The following RORA variants were observed in gnomAD, a reference collection of about 807,000 sequenced individuals.
RORA encodes RAR related orphan receptor A, also known as nuclear receptor ROR-alpha.
A neutral mutation model predicts 69.5 loss-of-function variants in RORA; 7 were observed. The observed-to-expected ratio is 0.10, with a 90% CI of 0.06 to 0.19. The LOEUF is 0.19. RORA is among the 10% of genes least tolerant of loss of function. The pLI is 1.00. For missense variants in RORA, 457 were observed against 663.0 expected (o/e 0.69, Z 3.41); for synonymous variants, 261 against 240.8 (o/e 1.08, Z -0.78).
At chr15:61,142,060 C>T (rs4775363) in intron 1 of RORA, among the ~76,000 whole-genome samples, 67,612 of 152,028 alleles carry the variant, frequency 0.44, 15,607 homozygotes, top group Non-Finnish European at 0.5. Context: ...AGCAGTTACC[C>T]TTTCACATTT....
chr15:61,007,394 C>A (rs1894941460), intron 1 of RORA, among the ~76,000 whole-genome samples: 1 of 152,048 alleles, frequency 6.6e-6, no homozygotes, highest in South Asian at 2.1e-4. Flanking sequence ...AAATAACATT[C>A]ATCCATAGGT....
intron 1 of RORA, among the ~76,000 whole-genome samples, chr15:61,215,424 T>C (rs987919412): frequency 6.6e-6 from 1 of 152,202 alleles, no homozygotes; most frequent in African/African-American, 2.4e-5. Flanking sequence ...AAATACCAGT[T>C]AATAGGGGTT....
intron 1 of RORA, among the ~76,000 whole-genome samples, chr15:61,063,818 T>C (rs2078219907): frequency 6.6e-6 from 1 of 152,090 alleles, no homozygotes; most frequent in Non-Finnish European, 1.5e-5. Flanking sequence ...CCAAATCAGG[T>C]TTCCTGTGAA....
chr15:60,916,823 C>T (rs1566908432), intron 1 of RORA, among the ~76,000 whole-genome samples: 2 of 152,138 alleles, frequency 1.3e-5, no homozygotes, highest in East Asian at 1.9e-4. Flanking sequence ...CACGGTGAGC[C>T]CTGATCTGTA....
intron 1 of RORA, among the ~76,000 whole-genome samples, chr15:60,927,020 T>C (rs1271703514): frequency 6.6e-6 from 1 of 152,200 alleles, no homozygotes; most frequent in Non-Finnish European, 1.5e-5. Flanking sequence ...GTGTTGTTGA[T>C]ATCAGGAAAA....
chr15:60,786,710 T>G (rs1209032460), intron 1 of RORA, among the ~76,000 whole-genome samples: 2 of 152,244 alleles, frequency 1.3e-5, no homozygotes, highest in African/African-American at 4.8e-5. Context: ...CCATCTGCCC[T>G]GAGGTCTGTC....
chr15:60,857,312 A>T (rs2073390602), intron 1 of RORA, among the ~76,000 whole-genome samples: 1 of 152,120 alleles, frequency 6.6e-6, no homozygotes, highest in African/African-American at 2.4e-5. Flanking sequence ...TCTGAACCCC[A>T]GGGGGAGCTA....
At chr15:60,760,951 G>A (rs2071877992) in intron 1 of RORA, among the ~76,000 whole-genome samples, 1 of 152,076 alleles carries the variant, frequency 6.6e-6, no homozygotes, top group African/African-American at 2.4e-5. Context: ...ATAAAAAGTG[G>A]TCAAATATCA....
At chr15:60,637,599 G>A (rs576652311) in intron 2 of RORA, among the ~76,000 whole-genome samples, 1 of 151,408 alleles carries the variant, frequency 6.6e-6, no homozygotes, top group Non-Finnish European at 1.5e-5. Context: ...TTTGTTATAC[G>A]GCGTGAAAAA....
intron 1 of RORA, among the ~76,000 whole-genome samples, chr15:61,084,253 C>T (rs2078588897): frequency 6.6e-6 from 1 of 152,166 alleles, no homozygotes; most frequent in Non-Finnish European, 1.5e-5. Flanking sequence ...CAAGATTCTT[C>T]TAGATCCCAT....
At chr15:60,659,445 T>A (rs16942902) in intron 2 of RORA, among the ~76,000 whole-genome samples, 26,483 of 152,112 alleles carry the variant, frequency 0.17, 2,543 homozygotes, top group African/African-American at 0.25. Flanking sequence ...TATGAAAACA[T>A]GGGAAAAAAT....
intron 2 of RORA, among the ~76,000 whole-genome samples, chr15:60,562,436 G>GC (rs2067592627): frequency 6.7e-6 from 1 of 149,886 alleles, no homozygotes; most frequent in Admixed American, 6.6e-5. Flanking sequence ...GGGGTTGGGG[G>GC]GGGGTTGCTT....
At chr15:61,100,112 C>CTTTTTTTTTTT (rs911036920) in intron 1 of RORA, among the ~76,000 whole-genome samples, 4 of 119,056 alleles carry the variant, frequency 3.4e-5, no homozygotes, top group Admixed American at 9.0e-5. Context: ...GGTCAATTTT[C>CTTTTTTTTTTT]TTTTTTTTTT....
chr15:60,627,020 C>G (rs190111888), intron 2 of RORA, among the ~76,000 whole-genome samples: 1 of 152,356 alleles, frequency 6.6e-6, no homozygotes, highest in African/African-American at 2.4e-5. Flanking sequence ...CTTCACTGGT[C>G]ACCTCCTGAC....
intron 1 of RORA, among the ~76,000 whole-genome samples, chr15:61,096,619 AG>A: frequency 6.6e-6 from 1 of 152,290 alleles, no homozygotes; most frequent in East Asian, 1.9e-4. Flanking sequence ...GACTTGTCCA[AG>A]CTTCCAGGGA....
intron 1 of RORA, among the ~76,000 whole-genome samples, chr15:60,984,750 T>C (rs561808988): frequency 1.6e-4 from 24 of 151,896 alleles, no homozygotes; most frequent in African/African-American, 5.3e-4. Context: ...AAGTGAAATG[T>C]GTTGTCTGTG....
At chr15:61,099,152 C>T (rs1019384294) in intron 1 of RORA, among the ~76,000 whole-genome samples, 2 of 152,170 alleles carry the variant, frequency 1.3e-5, no homozygotes, top group African/African-American at 4.8e-5. Flanking sequence ...GAAAGAATCA[C>T]TCTAAAAACC....
chr15:60,746,974 T>C (rs911464835), intron 1 of RORA, among the ~76,000 whole-genome samples: 1 of 152,210 alleles, frequency 6.6e-6, no homozygotes, highest in African/African-American at 2.4e-5. Context: ...CGACTCTAGT[T>C]AGTGTCAGCC....
At chr15:60,521,386 C>A (rs1049678924) in intron 3 of RORA, among the ~76,000 whole-genome samples, 3 of 151,674 alleles carry the variant, frequency 2.0e-5, no homozygotes, top group African/African-American at 7.3e-5. Flanking sequence ...GGACTACAGG[C>A]GTGCACCACC....
Sources: allele counts gnomAD v4.1 joint callset (sites outside exome capture counted in the v4.1 genomes callset), GRCh38; gene constraint gnomAD v4.1.1; transcripts MANE v1.5; gene names NCBI Gene and HGNC (gene_info 2026-07-23, HGNC 2026-07-21).